PIK3CA: variants seen among roughly 807,000 people sequenced by gnomAD.
PIK3CA encodes phosphatidylinositol 4,5-bisphosphate 3-kinase catalytic subunit alpha isoform.
In PIK3CA, 27 loss-of-function variants were observed where a neutral mutation model predicts 138.2. The ratio of observed to expected loss-of-function variants is 0.20; its 90% CI spans 0.14 to 0.27. The LOEUF is 0.27. Among genes scored for constraint, PIK3CA ranks in the 10% least tolerant of loss-of-function variants. PIK3CA has a pLI of 1.00. For missense variants in PIK3CA, 544 were observed against 1,277.4 expected, an observed-to-expected ratio of 0.43 and a Z score of 8.75; for synonymous variants, 358 against 413.2, an observed-to-expected ratio of 0.87 and a Z score of 1.62.
intron 1 of PIK3CA, among the ~76,000 whole-genome samples, chr3:179,176,441 G>A (rs1447478975): frequency 1.3e-5 from 2 of 151,972 alleles, no homozygotes; most frequent in Non-Finnish European, 2.9e-5. Flanking sequence ...GTATATTATG[G>A]TTTAGGGTTA....
intron 9 of PIK3CA, among the ~76,000 whole-genome samples, chr3:179,214,693 CA>C (rs1724797408): frequency 6.6e-6 from 1 of 152,108 alleles, no homozygotes; most frequent in Non-Finnish European, 1.5e-5. Flanking sequence ...CACAAACCTT[CA>C]GTTTGTTGGA....
At chr3:179,208,968 CA>C (rs1309626471) in intron 6 of PIK3CA, among the ~76,000 whole-genome samples, 1 of 145,372 alleles carries the variant, frequency 6.9e-6, no homozygotes, top group Non-Finnish European at 1.5e-5. Flanking sequence ...CTTTTATGAG[CA>C]AAATTATATA....
Position 179,181,021 on chromosome 3 carries a change from A to G in PIK3CA, c.-76-17729A>G, listed in dbSNP as rs180713168. Reference sequence around the variant, plus strand: ...GGTCGGAGAGAGTGTGTGTGTCTCTATGTGTGTGTATTTGTGTGTTTTGTC... The same window carrying G: ...GGTCGGAGAGAGTGTGTGTGTCTCTGTGTGTGTGTATTTGTGTGTTTTGTC... On this transcript the variant is annotated intron_variant, in intron 1 of 20. Transcript: ENST00000263967. 2.4e-3 allele frequency among the ~76,000 whole-genome samples: 361 copies of G among 152,178 alleles called. 2 individuals carry two copies. Among genetic ancestry groups the G allele is most frequent in the African/African-American group, 7.8e-3 (323 of 41,548 alleles).
chr3:179,190,820 A>G (rs1724115962), intron 1 of PIK3CA, among the ~76,000 whole-genome samples: 1 of 152,220 alleles, frequency 6.6e-6, no homozygotes, highest in Non-Finnish European at 1.5e-5. Flanking sequence ...AGACTCAGAT[A>G]AGGGCCAGAC....
Position 179,188,282 on chromosome 3 carries a change from C to T in PIK3CA, c.-76-10468C>T, listed in dbSNP as rs187092054. On this transcript the variant is annotated intron_variant, in intron 1 of 20. Coordinates refer to ENST00000263967, the MANE Select transcript of PIK3CA (RefSeq NM_006218.4). ...AAAAGCTCAAGTCACTAGTTAGGCT[C>T]TCTTTGTGGTTTGATTAGCTTTTGT... Among the ~76,000 whole-genome samples the T allele has an allele frequency of 1.4e-3, 215 of 152,284 alleles. 1 individual carries two copies. The highest frequency in any genetic ancestry group is 2.3e-3 in the Non-Finnish European group (157 of 68,026).
intron 1 of PIK3CA, among the ~76,000 whole-genome samples, chr3:179,158,910 T>C (rs1412947759): frequency 1.4e-5 from 2 of 142,276 alleles, no homozygotes; most frequent in African/African-American, 5.7e-5. Flanking sequence ...TATTTAAGTT[T>C]GTGGAAAATG....
chr3:179,226,728 C>T (rs1725090979), intron 17 of PIK3CA, among the ~76,000 whole-genome samples: 1 of 151,982 alleles, frequency 6.6e-6, no homozygotes, highest in African/African-American at 2.4e-5. Flanking sequence ...TTGTATGCCT[C>T]TTATAAATTT....
chr3:179,224,490 T>C (rs1044554483), intron 15 of PIK3CA, among the ~76,000 whole-genome samples: 2 of 152,058 alleles, frequency 1.3e-5, no homozygotes, highest in African/African-American at 2.4e-5. Flanking sequence ...TATATATTTG[T>C]TGGAAATTCA....
chr3:179,195,250 C>G (rs1465826604), intron 1 of PIK3CA, among the ~76,000 whole-genome samples: 1 of 150,360 alleles, frequency 6.7e-6, no homozygotes, highest in African/African-American at 2.5e-5. Context: ...TATTTACTTG[C>G]CTTCTCGGTG....
chr3:179,203,881 T>A, intron 5 of PIK3CA, 92 bp downstream of exon 5: 1 of 864,462 alleles, frequency 1.2e-6, no homozygotes, highest in Non-Finnish European at 1.7e-6. Context: ...ACCTGTAGTA[T>A]GTTTTCAGAT....
intron 1 of PIK3CA, among the ~76,000 whole-genome samples, chr3:179,161,415 T>G (rs990570195): frequency 3.3e-5 from 5 of 152,122 alleles, no homozygotes; most frequent in Admixed American, 1.3e-4. Flanking sequence ...TAACAGGAAG[T>G]GCTGGGCGTG....
chr3:179,202,941 T>G (rs75797029), intron 4 of PIK3CA, among the ~76,000 whole-genome samples: 1 of 104,222 alleles, frequency 9.6e-6, no homozygotes, highest in African/African-American at 4.8e-5. Flanking sequence ...TGATCCTTGT[T>G]TTTTTTTTTT....
At chr3:179,185,038 G>A (rs563421848) in intron 1 of PIK3CA, among the ~76,000 whole-genome samples, 1 of 152,286 alleles carries the variant, frequency 6.6e-6, no homozygotes, top group South Asian at 2.1e-4. Context: ...GATGAAGAAA[G>A]ACTGTGGGAA....
chr3:179,180,980 C>G (rs539008212), intron 1 of PIK3CA, among the ~76,000 whole-genome samples: 2 of 152,002 alleles, frequency 1.3e-5, no homozygotes, highest in East Asian at 3.9e-4. Context: ...CATAAATACC[C>G]CACTAGGAAG....
chr3:179,204,672 ACCAGC>A (rs1576935284), intron 6 of PIK3CA, 84 bp downstream of exon 6: 1 of 679,244 alleles, frequency 1.5e-6, no homozygotes. Context: ...ATTTTTTTAG[ACCAGC>A]CTGGGCAACA....
intron 1 of PIK3CA, among the ~76,000 whole-genome samples, chr3:179,186,863 T>A (rs1205976737): frequency 1.3e-5 from 2 of 152,160 alleles, no homozygotes; most frequent in Admixed American, 6.5e-5. Flanking sequence ...TCTTCATTGA[T>A]CTCATTGGTT....
intron 1 of PIK3CA, among the ~76,000 whole-genome samples, chr3:179,193,110 C>T (rs1290087158): frequency 6.6e-6 from 1 of 152,216 alleles, no homozygotes; most frequent in African/African-American, 2.4e-5. Context: ...ACTGCTGATG[C>T]AGACCCAGTC....
chr3:179,229,981 C>A (rs2108423882), intron 18 of PIK3CA, 23 bp from the exon 19 acceptor site: 1 of 1,488,406 alleles, frequency 6.7e-7, no homozygotes, highest in Non-Finnish European at 9.4e-7. Flanking sequence ...CCATACTACT[C>A]ATGAGGTGTT....
chr3:179,202,050 G>T (rs986328896), intron 4 of PIK3CA, among the ~76,000 whole-genome samples: 1 of 152,114 alleles, frequency 6.6e-6, no homozygotes, highest in Non-Finnish European at 1.5e-5. Flanking sequence ...ATTCCATGGG[G>T]TTGTTGTTTT....
Sources: gnomAD v4.1 joint callset for allele counts (sites outside exome capture counted in the v4.1 genomes callset) on GRCh38, gnomAD v4.1.1 for gene constraint, MANE v1.5 for transcripts, NCBI Gene and HGNC (gene_info 2026-07-23, HGNC 2026-07-21) for gene names.